MIB1: variants seen among roughly 807,000 people sequenced by gnomAD.
MIB1 encodes the protein MIB E3 ubiquitin protein ligase 1, also known as E3 ubiquitin-protein ligase MIB1.
Under a neutral mutation model 124.5 loss-of-function variants are expected in MIB1, and 278 were observed. The ratio of observed to expected loss-of-function variants is 2.23; its 90% CI spans 2.02 to 2.47. The LOEUF (loss-of-function observed/expected upper bound fraction) is 2.47. Among genes scored for constraint, MIB1 ranks in the 30% most tolerant of loss-of-function variants. The pLI is 0.00. For missense variants in MIB1, 957 were observed against 1,254.4 expected, an observed-to-expected ratio of 0.76 and a Z score of 3.58; for synonymous variants, 446 against 429.4, an observed-to-expected ratio of 1.04 and a Z score of -0.48.
chr18:21,771,685 T>C (rs1216439399), intron 3 of MIB1, among the ~76,000 whole-genome samples: 1 of 152,130 alleles, frequency 6.6e-6, no homozygotes, highest in Non-Finnish European at 1.5e-5. Context: ...CTATTTTTTT[T>C]CTTAGGTTGG....
intron 1 of MIB1, among the ~76,000 whole-genome samples, chr18:21,715,674 A>G (rs989041291): frequency 1.3e-5 from 2 of 152,082 alleles, no homozygotes; most frequent in Non-Finnish European, 2.9e-5. Flanking sequence ...AAAAAAAATC[A>G]AAACTTCAGG....
intron 1 of MIB1, among the ~76,000 whole-genome samples, chr18:21,729,790 C>T (rs1245007088): frequency 2.0e-5 from 3 of 152,130 alleles, no homozygotes; most frequent in Non-Finnish European, 2.9e-5. Context: ...GCACCCAGCT[C>T]AAGCCTCTCT....
intron 1 of MIB1, among the ~76,000 whole-genome samples, chr18:21,759,608 C>T (rs891711013): frequency 6.6e-6 from 1 of 152,078 alleles, no homozygotes; most frequent in Non-Finnish European, 1.5e-5. Context: ...ATTGCGTGGC[C>T]GTTGAACATT....
chr18:21,767,547 T>A (rs1460038403), intron 2 of MIB1, among the ~76,000 whole-genome samples: 2 of 152,014 alleles, frequency 1.3e-5, no homozygotes, highest in Non-Finnish European at 1.5e-5. Flanking sequence ...GAATAATGGC[T>A]ATTTTTTTTT....
rs67233506 is a variant in MIB1, at chr18:21,779,861, C to CGTGTGT, written c.908+201_908+206dup. The stretch of plus-strand genomic sequence containing the variant: ...GGAGAGAAACAAATGATAAGAATTA[C>CGTGTGT]GTGTGTGTGTGTGTGTGTGTGTGTG... On this transcript the variant is annotated intron_variant, in intron 6 of 20. Coordinates refer to ENST00000261537, the MANE Select transcript of MIB1 (RefSeq NM_020774.4). Among the ~76,000 whole-genome samples the CGTGTGT allele has an allele frequency of 1.5e-3, 225 of 148,604 alleles. 2 individuals carry two copies. Among genetic ancestry groups the CGTGTGT allele is most frequent in the Admixed American group, 5.4e-3 (80 of 14,868 alleles).
chr18:21,802,652 G>A (rs977295463), intron 9 of MIB1, among the ~76,000 whole-genome samples: 1 of 151,956 alleles, frequency 6.6e-6, no homozygotes. Flanking sequence ...CTTTTTTCAC[G>A]TCAGAGCCAT....
intron 13 of MIB1, among the ~76,000 whole-genome samples, chr18:21,840,838 A>G (rs1033765790): frequency 2.0e-5 from 3 of 151,854 alleles, no homozygotes; most frequent in Non-Finnish European, 4.4e-5. Flanking sequence ...CTTAAAAATA[A>G]AACAAAAAAC....
At chr18:21,822,180 A>C (rs574661115) in intron 12 of MIB1, among the ~76,000 whole-genome samples, 86 of 152,342 alleles carry the variant, frequency 5.6e-4, no homozygotes, top group Non-Finnish European at 1.0e-3. Flanking sequence ...ACAATGGTCA[A>C]AAAGATTTTA....
At chr18:21,719,528 C>T (rs1041772420) in intron 1 of MIB1, among the ~76,000 whole-genome samples, 1 of 152,060 alleles carries the variant, frequency 6.6e-6, no homozygotes. Flanking sequence ...CACACTGCAA[C>T]CTCTGCCCCC....
chr18:21,742,991 C>T (rs553318418), intron 1 of MIB1, among the ~76,000 whole-genome samples: 2 of 152,228 alleles, frequency 1.3e-5, no homozygotes, highest in South Asian at 4.2e-4. Flanking sequence ...TTTATTTCTC[C>T]GGCTGGTCTG....
At chr18:21,802,336 A>G (rs2041659031) in intron 9 of MIB1, among the ~76,000 whole-genome samples, 1 of 151,782 alleles carries the variant, frequency 6.6e-6, no homozygotes, top group Non-Finnish European at 1.5e-5. Flanking sequence ...TAGTTATTTT[A>G]TTGGTTATTC....
At chr18:21,739,148 A>G (rs933817122), upstream of MIB1, among the ~76,000 whole-genome samples, 1 of 152,172 alleles carries the variant, frequency 6.6e-6, no homozygotes, top group Non-Finnish European at 1.5e-5. Flanking sequence ...ATCAGAGAAT[A>G]CTATAAAAAC....
At chr18:21,810,995 T>C (rs962418543) in intron 10 of MIB1, among the ~76,000 whole-genome samples, 7 of 152,098 alleles carry the variant, frequency 4.6e-5, no homozygotes, top group African/African-American at 1.4e-4. Flanking sequence ...TGATAAGATA[T>C]TAAAATCCAA....
chr18:21,857,777 C>T (rs1783170013), intron 19 of MIB1, among the ~76,000 whole-genome samples: 1 of 152,172 alleles, frequency 6.6e-6, no homozygotes, highest in South Asian at 2.1e-4. Flanking sequence ...ACAGTTGTTT[C>T]AAAGTATTTT....
rs568146436 is a variant in MIB1 at position 21,837,581 on chromosome 18, A to C, written c.1830-784A>C. Among the ~76,000 whole-genome samples, 16 of 152,294 alleles carry C rather than the reference A, an allele frequency of 1.1e-4. No individual in the cohort carries two copies. The East Asian group carries it at 2.7e-3, about 26-fold the overall frequency. ...TTAAGTGTAATTTTAGAGGTTCTTC[A>C]ATCCTCCACAACCCATTCTCAGACT... On this transcript the variant is annotated intron_variant, in intron 12 of 20. Transcript: ENST00000261537.
In MIB1 at chr18:21,773,708, A is replaced by T; in HGVS notation, c.616A>T (p.Arg206Ter). The T allele has an allele frequency of 6.2e-7, 1 of 1,602,396 alleles. No individual in the cohort carries two copies. The highest frequency in any genetic ancestry group is 8.5e-7 in the Non-Finnish European group (1 of 1,175,612). Reference protein sequence around the residue: ...LWDNGAKNLYRVGFEGMSDLK... With the variant: ...LWDNGAKNLY ...GGATAATGGTGCTAAGAACCTTTAC[A>T]GAGTTGGCTTTGAGGGCATGGTAAG... The change falls in exon 4 of 21, where the codon AGA becomes TGA. Residue 206 changes from arginine to a stop codon, truncating the protein, a stop_gained. Coordinates refer to ENST00000261537, the MANE Select transcript of MIB1 (RefSeq NM_020774.4). LOFTEE classifies it high-confidence loss of function.
At position 21,838,496 on chromosome 18, in the gene MIB1, AG is replaced by A; in HGVS notation, c.1962+1del. On this transcript the variant is annotated frameshift_variant and splice_region_variant, in exon 13 of 21. Transcript: ENST00000261537. LOFTEE classifies it high-confidence loss of function. ...GAAGTGGCTGAACTGTTGGTACATC[AG>A]GTAAGAAAAGAGTTAAATAATTCCC... ...HVEVAELLVH[Q>X]GNANLDIQNV... The A allele has an allele frequency of 6.3e-7, 1 of 1,584,070 alleles. No individual in the cohort carries two copies. The highest frequency in any genetic ancestry group is 8.6e-7 in the Non-Finnish European group (1 of 1,169,514).
chr18:21,856,141 A>G (rs376161539), intron 18 of MIB1, among the ~76,000 whole-genome samples: 5 of 151,260 alleles, frequency 3.3e-5, no homozygotes, highest in African/African-American at 9.7e-5. Flanking sequence ...GAGGCAGGAG[A>G]ATGGCGTGAA....
chr18:21,858,345 C>G (rs929934106), intron 19 of MIB1, among the ~76,000 whole-genome samples: 1 of 152,196 alleles, frequency 6.6e-6, no homozygotes, highest in Non-Finnish European at 1.5e-5. Context: ...AATGTGCAAA[C>G]TGTTTCTTTT....
Sources: allele counts gnomAD v4.1 joint callset (sites outside exome capture counted in the v4.1 genomes callset), GRCh38; gene constraint gnomAD v4.1.1; transcripts MANE v1.5; gene names NCBI Gene and HGNC (gene_info 2026-07-23, HGNC 2026-07-21).